The following NKAIN2 variants were observed in gnomAD, a reference collection of about 807,000 sequenced individuals.
NKAIN2 encodes the protein sodium/potassium-transporting ATPase subunit beta-1-interacting protein 2.
NKAIN2 carries 14 observed loss-of-function variants against 32.6 expected under a neutral mutation model. The observed-to-expected ratio is 0.43, with a 90% CI of 0.28 to 0.67. NKAIN2 has a LOEUF of 0.67. Ranked by LOEUF, NKAIN2 falls within the 30% of genes least tolerant of loss-of-function variation. The pLI is 0.17. For missense variants in NKAIN2, 198 were observed against 258.3 expected (o/e 0.77, Z 1.60); for synonymous variants, 80 against 87.2 (o/e 0.92, Z 0.46).
chr6:124,505,038 C>T (rs79876032), intron 3 of NKAIN2, among the ~76,000 whole-genome samples: 3,021 of 152,206 alleles, frequency 0.02, 113 homozygotes, highest in East Asian at 0.13. Flanking sequence ...ATGTGTTGAT[C>T]ACAGAAATGA....
chr6:124,717,212 T>G (rs1004084253), intron 4 of NKAIN2, among the ~76,000 whole-genome samples: 1 of 152,198 alleles, frequency 6.6e-6, no homozygotes, highest in Non-Finnish European at 1.5e-5. Flanking sequence ...CTAAGATAAA[T>G]TATGTAAAAT....
chr6:123,923,640 A>G (rs1300481779), intron 1 of NKAIN2, among the ~76,000 whole-genome samples: 2 of 151,622 alleles, frequency 1.3e-5, no homozygotes, highest in African/African-American at 2.4e-5. Context: ...TGTCCTTTGT[A>G]GGGACATGGA....
intron 1 of NKAIN2, among the ~76,000 whole-genome samples, chr6:123,973,015 G>A (rs1009321654): frequency 6.6e-6 from 1 of 152,016 alleles, no homozygotes; most frequent in African/African-American, 2.4e-5. Context: ...TTTTATATTT[G>A]CTGCCAGATT....
intron 5 of NKAIN2, among the ~76,000 whole-genome samples, chr6:124,809,596 C>G (rs1780779226): frequency 6.6e-6 from 1 of 150,546 alleles, no homozygotes; most frequent in Non-Finnish European, 1.5e-5. Context: ...GTCTAAAACA[C>G]CAAAAGCAAT....
At chr6:124,397,513 C>T (rs546544752) in intron 3 of NKAIN2, among the ~76,000 whole-genome samples, 1 of 150,368 alleles carries the variant, frequency 6.7e-6, no homozygotes, top group South Asian at 2.1e-4. Flanking sequence ...GATTGAGATA[C>T]TGTGTCACAG....
intron 1 of NKAIN2, among the ~76,000 whole-genome samples, chr6:124,268,622 TATG>T (rs1395223114): frequency 2.0e-5 from 3 of 152,004 alleles, no homozygotes; most frequent in African/African-American, 2.4e-5. Context: ...AAAGAAATGA[TATG>T]ATGAGTTCAT....
chr6:124,152,802 G>A (rs1445283712), intron 1 of NKAIN2, among the ~76,000 whole-genome samples: 1 of 151,900 alleles, frequency 6.6e-6, no homozygotes, highest in African/African-American at 2.4e-5. Flanking sequence ...TGGCATATAT[G>A]CACAATAAAA....
intron 1 of NKAIN2, among the ~76,000 whole-genome samples, chr6:124,054,436 A>G (rs561277978): frequency 6.6e-5 from 10 of 152,194 alleles, no homozygotes; most frequent in South Asian, 4.1e-4. Flanking sequence ...ATTTCATTTT[A>G]CAAGTTTTAC....
chr6:124,419,060 T>A (rs1322580), intron 3 of NKAIN2, among the ~76,000 whole-genome samples: 1 of 152,108 alleles, frequency 6.6e-6, no homozygotes, highest in South Asian at 2.1e-4. Flanking sequence ...ACTCTGCCTG[T>A]TTTAATGTTG....
intron 1 of NKAIN2, among the ~76,000 whole-genome samples, chr6:124,039,646 T>C (rs1781776492): frequency 6.6e-6 from 1 of 151,922 alleles, no homozygotes; most frequent in Non-Finnish European, 1.5e-5. Flanking sequence ...AGGCAATTCA[T>C]GTCTTGTTTA....
intron 4 of NKAIN2, among the ~76,000 whole-genome samples, chr6:124,778,026 A>G (rs1430997640): frequency 6.6e-6 from 1 of 151,978 alleles, no homozygotes; most frequent in Admixed American, 6.6e-5. Context: ...GGTTTTAACA[A>G]TTTTGAAGTC....
chr6:124,755,182 T>A (rs968910992), intron 4 of NKAIN2, among the ~76,000 whole-genome samples: 1 of 151,768 alleles, frequency 6.6e-6, no homozygotes, highest in African/African-American at 2.4e-5. Context: ...AGCACTTGAG[T>A]CCAAAGGCTG....
intron 3 of NKAIN2, among the ~76,000 whole-genome samples, chr6:124,495,758 CCTGA>C (rs1293093399): frequency 5.9e-5 from 9 of 152,266 alleles, no homozygotes; most frequent in Admixed American, 3.9e-4. Flanking sequence ...GACCTTCAAA[CCTGA>C]CTGTCAGCTT....
At chr6:124,127,252 C>G (rs998129145) in intron 1 of NKAIN2, among the ~76,000 whole-genome samples, 3 of 152,114 alleles carry the variant, frequency 2.0e-5, no homozygotes, top group Non-Finnish European at 4.4e-5. Flanking sequence ...GGCAAGAGAA[C>G]ACAACACGAG....
chr6:124,820,407 C>T (rs150986044), intron 6 of NKAIN2, among the ~76,000 whole-genome samples: 1 of 152,280 alleles, frequency 6.6e-6, no homozygotes, highest in East Asian at 1.9e-4. Flanking sequence ...CAGACTTTAT[C>T]TGATTGCTCT....
At chr6:124,766,385 C>T (rs576933575) in intron 4 of NKAIN2, among the ~76,000 whole-genome samples, 92 of 152,272 alleles carry the variant, frequency 6.0e-4, no homozygotes, top group Admixed American at 2.0e-3. Context: ...CAGGGTGTGG[C>T]GCTCAGACTG....
rs910393246 is a variant in NKAIN2, at chr6:124,616,691, C to T, written c.274-41495C>T. On this transcript the variant is annotated intron_variant, in intron 3 of 6. Coordinates refer to ENST00000368417, the MANE Select transcript of NKAIN2 (RefSeq NM_001040214.3). ...CTGTTAGCCAGGATGGTCTTGATCTCCTGACCTCGTGATCTACCCGCCTCG... is the reference window on the plus strand; with the variant it reads ...CTGTTAGCCAGGATGGTCTTGATCTTCTGACCTCGTGATCTACCCGCCTCG... Among the ~76,000 whole-genome samples, 6 of 151,550 alleles carry T rather than the reference C, an allele frequency of 4.0e-5. No individual in the cohort carries two copies. In the South Asian group the frequency reaches 8.3e-4, roughly 21 times the overall value.
chr6:124,324,813 A>G (rs907358473), intron 2 of NKAIN2, among the ~76,000 whole-genome samples: 4 of 152,024 alleles, frequency 2.6e-5, no homozygotes, highest in Admixed American at 1.3e-4. Flanking sequence ...TTTTTTCTAC[A>G]TCAAATGATA....
intron 1 of NKAIN2, among the ~76,000 whole-genome samples, chr6:123,853,680 T>C (rs1307819697): frequency 1.3e-5 from 2 of 152,082 alleles, no homozygotes; most frequent in Non-Finnish European, 1.5e-5. Flanking sequence ...GGGGGGATGA[T>C]ATAGAAAAAT....
Sources: gnomAD v4.1 joint callset for allele counts (sites outside exome capture counted in the v4.1 genomes callset) on GRCh38, gnomAD v4.1.1 for gene constraint, MANE v1.5 for transcripts, NCBI Gene and HGNC (gene_info 2026-07-23, HGNC 2026-07-21) for gene names.